Variants in PROSER1 observed in about 807,000 individuals in gnomAD.
The protein encoded by PROSER1 is proline and serine-rich protein 1.
PROSER1 carries 36 observed loss-of-function variants against 71.8 expected under a neutral mutation model. The observed-to-expected ratio is 0.50, with a 90% CI of 0.38 to 0.66. The LOEUF is 0.66. Among genes scored for constraint, PROSER1 ranks in the 30% least tolerant of loss-of-function variants. PROSER1 has a pLI of 0.00. For missense variants in PROSER1, 1,107 were observed against 1,135.0 expected (o/e 0.98, Z 0.35); for synonymous variants, 490 against 452.4 (o/e 1.08, Z -1.06).
intron 1 of PROSER1, among the ~76,000 whole-genome samples, chr13:39,036,826 G>A (rs1871133619): frequency 6.6e-6 from 1 of 152,218 alleles, no homozygotes; most frequent in Middle Eastern, 3.4e-3. Flanking sequence ...GAAACTTTCT[G>A]CGTATTACCT....
chr13:39,011,931 G>T, intron 12 of PROSER1, 152 bp downstream of exon 12: 2 of 796,796 alleles, frequency 2.5e-6, no homozygotes, highest in Non-Finnish European at 3.9e-6. Context: ...TTGCAAATTT[G>T]GAGAGAAGTA....
Position 39,023,079 on chromosome 13 carries a change from A to C in PROSER1, c.616T>G (p.Cys206Gly), listed in dbSNP as rs760589703. Residue 206 changes from cysteine to glycine, a missense_variant, in exon 8 of 13, where the codon TGC becomes GGC. Cys to Gly is a radical substitution (Grantham distance 159). Coordinates refer to ENST00000352251, the MANE Select transcript of PROSER1 (RefSeq NM_025138.5). ...GGTGCAATAGTTGCATGTGGTCGGC[A>C]TGGAGGTATCGGATAAGGAACAGGT... is the stretch of plus-strand genomic sequence containing the variant. ...HKPVPYPIPPCRPHATIAPSA... is the reference protein window; with the variant it reads ...HKPVPYPIPPGRPHATIAPSA... 1 of 1,613,248 alleles carries C rather than the reference A, an allele frequency of 6.2e-7. No homozygotes were observed. Among genetic ancestry groups the C allele is most frequent in the African/African-American group, 1.3e-5 (1 of 74,902 alleles).
intron 9 of PROSER1, among the ~76,000 whole-genome samples, chr13:39,019,464 C>T (rs760415260): frequency 3.6e-5 from 5 of 138,714 alleles, no homozygotes; most frequent in East Asian, 2.2e-4. Flanking sequence ...TGTGGTGAGC[C>T]GACATTGCGC....
chr13:39,022,209 T>G, intron 9 of PROSER1, 117 bp downstream of exon 9: 1 of 728,382 alleles, frequency 1.4e-6, no homozygotes, highest in Non-Finnish European at 2.5e-6. Flanking sequence ...TCCAGATCCT[T>G]CAGACTCTTG....
At chr13:39,015,845 T>C (rs924065706) in intron 10 of PROSER1, among the ~76,000 whole-genome samples, 1 of 151,762 alleles carries the variant, frequency 6.6e-6, no homozygotes, top group African/African-American at 2.4e-5. Flanking sequence ...CCTATAAAAA[T>C]GGATTTGTAC....
In PROSER1 at chr13:39,037,618, T is replaced by G. The variant is rs541109362; in HGVS notation, c.-376A>C. ...AGGGCCAGGTGCCGCCAGAGGTAGC[T>G]CTTGAAGGCGCTTTCCCAGGTGGAG... On this transcript the variant is annotated 5_prime_UTR_variant, in exon 1 of 13. Transcript: ENST00000352251. 1.2e-4 allele frequency: 21 copies of G among 178,550 alleles called. No homozygotes were observed. Among genetic ancestry groups the G allele is most frequent in the African/African-American group, 4.7e-4 (20 of 42,346 alleles). 11.1% of individuals were successfully genotyped at this position (178,550 alleles called of 1,614,324 possible).
In PROSER1 at chr13:39,011,152, T is replaced by C. The variant is rs900076420; in HGVS notation, c.*213A>G. On this transcript the variant is annotated 3_prime_UTR_variant, in exon 13 of 13. Coordinates refer to ENST00000352251, the MANE Select transcript of PROSER1 (RefSeq NM_025138.5). ...GTCTCCAAACACTTTTTAAATACCA[T>C]TCTCCATACAATTTATTGTCAGCAT... 2 of 530,082 alleles carry C rather than the reference T, an allele frequency of 3.8e-6. No individual in the cohort carries two copies. The highest frequency in any genetic ancestry group is 3.8e-5 in the African/African-American group (2 of 52,230). The allele number at this position is 530,082 out of a possible 1,614,324, so 32.8% of individuals were successfully genotyped here.
rs766653747 is a variant in PROSER1 at position 39,013,184 on chromosome 13, TG to T, written c.2067del (p.Ile690LeufsTer14). 3.7e-6 allele frequency: 6 copies of T among 1,613,846 alleles called. No homozygotes were observed. ...ISLPPHGSST[P>X]IAPVFTALPS... ...GGAAGAGCAGTGAATACTGGTGCAATGGGAGTGGAGGAACCATGTGGTGGAA... is the reference window on the plus strand; with the variant it reads ...GGAAGAGCAGTGAATACTGGTGCAATGGAGTGGAGGAACCATGTGGTGGAA... On this transcript the variant is annotated frameshift_variant, in exon 11 of 13. Coordinates refer to ENST00000352251, the MANE Select transcript of PROSER1 (RefSeq NM_025138.5). LOFTEE classifies it high-confidence loss of function.
Position 39,013,614 on chromosome 13 carries a change from A to G in PROSER1, c.1638T>C (p.Ala546=). The G allele has an allele frequency of 6.2e-7, 1 of 1,614,190 alleles. No homozygotes were observed. The highest frequency in any genetic ancestry group is 8.5e-7 in the Non-Finnish European group (1 of 1,180,032). ...ALFPGLPSPV[A]NSTSTPLTLP... ...ATGTCAGGGGAGTGGAAGTTGAGTT[A>G]GCCACGGGAGACGGCAGGCCTGGGA... The change falls in exon 11 of 13, where the codon GCT becomes GCC. Residue 546 remains alanine (A), a synonymous_variant. Transcript: ENST00000352251.
At chr13:39,020,200 G>C (rs934787556) in intron 9 of PROSER1, among the ~76,000 whole-genome samples, 1 of 151,962 alleles carries the variant, frequency 6.6e-6, no homozygotes, top group Non-Finnish European at 1.5e-5. Flanking sequence ...AACAGAATCT[G>C]CATGTAGAAA....
In PROSER1 at chr13:39,028,259, C is replaced by T. The variant is rs1228403308; in HGVS notation, c.337G>A (p.Glu113Lys). ...IEDLFRVNMS[E>K]KKRCKRILEQ... ...AGTATTCTCTTGCACCGTTTCTTCT[C>T]AGACATATTTACCCTGAATAAATCT... The change falls in exon 5 of 13, where the codon GAG (glutamate) becomes AAG (lysine). Residue 113 changes from glutamate (E) to lysine (K), a missense_variant. Transcript: ENST00000352251. 1 of 1,595,944 alleles carries T rather than the reference C, an allele frequency of 6.3e-7. No individual in the cohort carries two copies. Among genetic ancestry groups the T allele is most frequent in the African/African-American group, 1.3e-5 (1 of 74,480 alleles).
chr13:39,024,508 C>G lies in PROSER1; in HGVS notation c.529G>C (p.Gly177Arg). 6.2e-7 allele frequency: 1 copy of G among 1,610,566 alleles called. No individual in the cohort carries two copies. The highest frequency in any genetic ancestry group is 8.5e-7 in the Non-Finnish European group (1 of 1,178,342). ...GGCCCAAGAATTCGTGCAGCTATTC[C>G]TTTGCCTTCGTTAGTACATTCTTCA... The part of the protein sequence containing the change: ...DGEECTNEGK[G>R]IAARILGPSK... The change falls in exon 7 of 13, where the codon GGA becomes CGA. Residue 177 changes from glycine (G) to arginine (R), a missense_variant. By Grantham distance (125) the Gly-to-Arg change is moderately radical. Transcript: ENST00000352251.
intron 1 of PROSER1, among the ~76,000 whole-genome samples, chr13:39,036,579 GTCTGGTTCAC>G (rs1446043623): frequency 6.6e-6 from 1 of 151,474 alleles, no homozygotes; most frequent in Non-Finnish European, 1.5e-5. Context: ...AATTGTTGCT[GTCTGGTTCAC>G]TCTGGGAAAT....
At position 39,014,205 on chromosome 13, in the gene PROSER1, G is replaced by A; in HGVS notation, c.1047C>T (p.Ser349=). 9 of 1,614,164 alleles carry A rather than the reference G, an allele frequency of 5.6e-6. No homozygotes were observed. The highest frequency in any genetic ancestry group is 4.5e-5 in the East Asian group (2 of 44,880). The change falls in exon 11 of 13, where the codon TCC becomes TCT. Residue 349 remains serine (S), a synonymous_variant. Coordinates refer to ENST00000352251, the MANE Select transcript of PROSER1 (RefSeq NM_025138.5). ...TPSLPTAPVT[S]IHSTTTTPVP... is the part of the protein sequence containing the mutation. ...CAGGAGTGGTGGTTGTACTGTGGATGGATGTAACAGGTGCAGTGGGCAATG... is the reference window on the plus strand; with the variant it reads ...CAGGAGTGGTGGTTGTACTGTGGATAGATGTAACAGGTGCAGTGGGCAATG...
intron 9 of PROSER1, among the ~76,000 whole-genome samples, chr13:39,021,590 G>A (rs1267169492): frequency 1.3e-5 from 2 of 151,992 alleles, no homozygotes; most frequent in African/African-American, 4.8e-5. Flanking sequence ...GGAACTAAAG[G>A]TATTTTTTTA....
rs1869633225 is a variant in PROSER1 at position 39,011,214 on chromosome 13, C to CTT, written c.*150_*151insAA. On this transcript the variant is annotated 3_prime_UTR_variant, in exon 13 of 13. Transcript: ENST00000352251. Reference sequence around the variant, plus strand: ...GGAGTGTTCACACTTTAAAATGCAACCACAATTTTCAAATTGTTGTCACAA... The same window carrying CTT: ...GGAGTGTTCACACTTTAAAATGCAACTTCACAATTTTCAAATTGTTGTCACAA... The CTT allele has an allele frequency of 1.1e-5, 8 of 749,586 alleles. 1 individual carries two copies. Among genetic ancestry groups the CTT allele is most frequent in the African/African-American group, 3.5e-5 (2 of 57,018 alleles). The allele number at this position is 749,586 out of a possible 1,614,324, so 46.4% of individuals were successfully genotyped here.
chr13:39,017,776 T>G, intron 9 of PROSER1: 1 of 390,938 alleles, frequency 2.6e-6, no homozygotes, highest in Non-Finnish European at 4.4e-6. Context: ...AGAAACTGAG[T>G]GAGTGCTCTT....
At chr13:39,018,685 G>A (rs545018931) in intron 9 of PROSER1, among the ~76,000 whole-genome samples, 1 of 152,108 alleles carries the variant, frequency 6.6e-6, no homozygotes, top group East Asian at 1.9e-4. Flanking sequence ...TAATGGAAAA[G>A]ATGTCATAAA....
intron 2 of PROSER1, chr13:39,031,855 A>C: frequency 2.0e-6 from 1 of 505,710 alleles, no homozygotes; most frequent in South Asian, 3.2e-5. Flanking sequence ...TAGTGACACA[A>C]GCTACATTTC....
Sources: gnomAD v4.1 joint callset for allele counts (sites outside exome capture counted in the v4.1 genomes callset) on GRCh38, gnomAD v4.1.1 for gene constraint, MANE v1.5 for transcripts, NCBI Gene and HGNC (gene_info 2026-07-23, HGNC 2026-07-21) for gene names.